Variants in TAB3 observed in about 807,000 individuals in gnomAD.
TAB3 encodes the protein TGF-beta activated kinase 1 (MAP3K7) binding protein 3, also known as TGF-beta-activated kinase 1 and MAP3K7-binding protein 3.
In TAB3, 18 loss-of-function variants were observed where a neutral mutation model predicts 48.1. The ratio of observed to expected loss-of-function variants is 0.37; its 90% confidence interval spans 0.26 to 0.55. The LOEUF is 0.55. Ranked by LOEUF, TAB3 falls within the 20% of genes least tolerant of loss-of-function variation. The pLI, the probability that TAB3 is intolerant of heterozygous loss-of-function variation, is 0.78. For missense variants in TAB3, 414 were observed against 549.8 expected, an observed-to-expected ratio of 0.75 and a Z score of 2.47; for synonymous variants, 185 against 190.2, an observed-to-expected ratio of 0.97 and a Z score of 0.22.
intron 4 of TAB3, among the ~76,000 whole-genome samples, chrX:30,861,340 G>T (rs1244308554): frequency 1.8e-5 from 2 of 110,633 alleles, no homozygotes; most frequent in Non-Finnish European, 3.8e-5. Context: ...AAGCCTTTTA[G>T]ATGACTCTTG....
At chrX:30,843,864 T>A (rs1938535680) in intron 8 of TAB3, 1 of 111,732 alleles carries the variant, frequency 8.9e-6, no homozygotes, top group Non-Finnish European at 1.9e-5. Context: ...CCTATCACTG[T>A]GCTCTGCTTG....
At chrX:30,849,271 C>T (rs1011221085) in intron 7 of TAB3, among the ~76,000 whole-genome samples, 1 of 112,216 alleles carries the variant, frequency 8.9e-6, no homozygotes, top group Admixed American at 9.5e-5. Context: ...AGGGAAATGA[C>T]ACCATCATGC....
At chrX:30,847,859 T>C (rs12560120) in intron 7 of TAB3, among the ~76,000 whole-genome samples, 24,608 of 110,944 alleles carry the variant, frequency 0.22, 2,082 homozygotes, top group Admixed American at 0.33. Context: ...GCAGAATAGC[T>C]ACAATTCCAC....
chrX:30,881,401 T>C (rs1197066075), intron 1 of TAB3, among the ~76,000 whole-genome samples: 1 of 110,951 alleles, frequency 9.0e-6, no homozygotes, highest in Non-Finnish European at 1.9e-5. Flanking sequence ...CAAAATTGTT[T>C]AGGGAATATG....
chrX:30,869,686 G>A (rs1038046570), intron 2 of TAB3, among the ~76,000 whole-genome samples: 1 of 112,077 alleles, frequency 8.9e-6, no homozygotes, highest in African/African-American at 3.2e-5. Context: ...CCTAAATGAC[G>A]TTATTTTAAA....
At chrX:30,849,607 C>CAATT (rs1211365604) in intron 7 of TAB3, among the ~76,000 whole-genome samples, 1 of 112,234 alleles carries the variant, frequency 8.9e-6, no homozygotes, top group Non-Finnish European at 1.9e-5. Flanking sequence ...TTTATCTTGA[C>CAATT]AATTATTATA....
chrX:30,850,631 G>A (rs1017810162), intron 7 of TAB3, among the ~76,000 whole-genome samples: 6 of 108,211 alleles, frequency 5.5e-5, no homozygotes, highest in Non-Finnish European at 7.7e-5. Flanking sequence ...AGACTCGCTT[G>A]AACCTGGGAG....
chrX:30,859,430 C>A (rs1939185529), intron 5 of TAB3, 57 bp downstream of exon 5: 23 of 935,873 alleles, frequency 2.5e-5, no homozygotes, highest in Non-Finnish European at 3.2e-5. Flanking sequence ...TCACACATCA[C>A]CAGCTCTAAT....
At chrX:30,885,281 T>C (rs1359114544) in intron 1 of TAB3, among the ~76,000 whole-genome samples, 2 of 112,176 alleles carry the variant, frequency 1.8e-5, no homozygotes, top group African/African-American at 6.5e-5. Context: ...ATGATCAATA[T>C]GCTAGGTTTC....
Position 30,859,580 on chromosome X carries a change from T to A in TAB3, c.9A>T (p.Gln3His), listed in dbSNP as rs756609862. MA[Q>H]SSPQLDIQVL... ...CCTGAATATCAAGCTGTGGGCTGCT[T>A]TGCGCCATGCCAGAGCAAATGGTGG... The change falls in exon 5 of 11, where the codon CAA becomes CAT. Residue 3 changes from glutamine (Q) to histidine (H), a missense_variant. By Grantham distance (24) the Gln-to-His change is conservative. Transcript: ENST00000288422. The A allele has an allele frequency of 8.3e-7, 1 of 1,204,730 alleles. No individual in the cohort carries two copies. Among genetic ancestry groups the A allele is most frequent in the Non-Finnish European group, 1.1e-6 (1 of 890,867 alleles).
intron 4 of TAB3, among the ~76,000 whole-genome samples, chrX:30,864,786 AGT>A (rs1161661573): frequency 2.8e-5 from 3 of 107,534 alleles, no homozygotes; most frequent in African/African-American, 1.0e-4. Context: ...TGGCCATCAC[AGT>A]GTGTGTGTGT....
At position 30,829,932 on chromosome X, in the gene TAB3, A is replaced by T. The variant is rs996733834; in HGVS notation, c.*1495T>A. On this transcript the variant is annotated 3_prime_UTR_variant, in exon 11 of 11. Coordinates refer to ENST00000288422, the MANE Select transcript of TAB3 (RefSeq NM_152787.5). ...ATATCCTCAGGTAAAATCCTTTAGG[A>T]TGGGAGAACCTACTAACTTTATTGC... is the stretch of plus-strand genomic sequence containing the variant. 1 of 110,442 alleles carries T rather than the reference A, an allele frequency of 9.1e-6. No individual in the cohort carries two copies. Among genetic ancestry groups the T allele is most frequent in the Non-Finnish European group, 1.9e-5 (1 of 52,848 alleles). The allele number at this position is 110,442 out of a possible 1,213,427, so 9.1% of individuals were successfully genotyped here. A position where few individuals can be genotyped will look rare whatever the true frequency, so the allele number is the denominator to read the frequency against.
rs1362944965 is a variant in TAB3 at position 30,868,578 on chromosome X, T to G, written c.-279-1029A>C. ...TATATATATATAGCTTATATATATA[T>G]ATATATATAGAGAGAGAGAGAGAGA... On this transcript the variant is annotated intron_variant, in intron 2 of 10. Coordinates refer to ENST00000288422, the MANE Select transcript of TAB3 (RefSeq NM_152787.5). 1.7e-3 allele frequency among the ~76,000 whole-genome samples: 23 copies of G among 13,636 alleles called. 4 individuals carry two copies. The highest frequency in any genetic ancestry group is 0.012 in the African/African-American group (22 of 1,789). The allele number at this position is 13,636 out of a possible 115,157, so 11.8% of individuals were successfully genotyped here.
chrX:30,857,382 T>C, intron 5 of TAB3, among the ~76,000 whole-genome samples: 1 of 110,648 alleles, frequency 9.0e-6, no homozygotes. Context: ...CCAACTAGAA[T>C]GTGTCACTGA....
intron 4 of TAB3, among the ~76,000 whole-genome samples, chrX:30,866,454 G>A (rs1352990631): frequency 9.1e-6 from 1 of 109,722 alleles, no homozygotes; most frequent in Non-Finnish European, 1.9e-5. Flanking sequence ...TCTAAAACTG[G>A]GGCAGGGAAT....
At chrX:30,833,956 G>A in intron 10 of TAB3, 95 bp downstream of exon 10, 2 of 819,857 alleles carry the variant, frequency 2.4e-6, no homozygotes, top group Non-Finnish European at 1.8e-6. Flanking sequence ...TGTTTTTAAA[G>A]CAAAAAATAA....
At position 30,830,684 on chromosome X, in the gene TAB3, T is replaced by A. The variant is rs976245029; in HGVS notation, c.*743A>T. ...GTAACTTAAAAAAATGCATCTCTTA[T>A]GTGGCATAAGTAGGTCTTAGTTACC... is the stretch of plus-strand genomic sequence containing the variant. On this transcript the variant is annotated 3_prime_UTR_variant, in exon 11 of 11. Coordinates refer to ENST00000288422, the MANE Select transcript of TAB3 (RefSeq NM_152787.5). 9.8e-5 allele frequency: 11 copies of A among 112,430 alleles called. No individual in the cohort carries two copies. Among genetic ancestry groups the A allele is most frequent in the Non-Finnish European group, 9.4e-5 (5 of 53,246 alleles). 9.3% of individuals were successfully genotyped at this position (112,430 alleles called of 1,213,427 possible).
chrX:30,834,034 G>T lies in TAB3; in HGVS notation c.1990+17C>A. ...CTTTGGACATTCTGCACAAACTCTG[G>T]ACACACAAGTACAAACCATCTGCAG... On this transcript the variant is annotated intron_variant, in intron 10 of 10. Coordinates refer to ENST00000288422, the MANE Select transcript of TAB3 (RefSeq NM_152787.5). 8.4e-7 allele frequency: 1 copy of T among 1,193,028 alleles called. No individual in the cohort carries two copies. Among genetic ancestry groups the T allele is most frequent in the Non-Finnish European group, 1.1e-6 (1 of 879,169 alleles).
At chrX:30,884,599 C>CAAAA (rs376927653) in intron 1 of TAB3, among the ~76,000 whole-genome samples, 1 of 71,385 alleles carries the variant, frequency 1.4e-5, no homozygotes, top group African/African-American at 5.1e-5. Flanking sequence ...GTTTGGAAAC[C>CAAAA]AAAAAAAAAA....
Sources: allele counts gnomAD v4.1 joint callset (sites outside exome capture counted in the v4.1 genomes callset), GRCh38; gene constraint gnomAD v4.1.1; transcripts MANE v1.5; gene names NCBI Gene and HGNC (gene_info 2026-07-23, HGNC 2026-07-21).